Variants in ROBO2 observed in about 807,000 individuals in gnomAD.
ROBO2 encodes roundabout guidance receptor 2, also known as roundabout homolog 2.
In ROBO2, 53 loss-of-function variants were observed where a neutral mutation model predicts 160.8. The ratio of observed to expected loss-of-function variants is 0.33; its 90% CI spans 0.26 to 0.41. The LOEUF (loss-of-function observed/expected upper bound fraction) is 0.41, where lower values mean the gene tolerates loss of function less well. Ranked by LOEUF, ROBO2 falls within the 10% of genes least tolerant of loss-of-function variation. The pLI is 1.00. For missense variants in ROBO2, 1,577 were observed against 1,722.4 expected, an observed-to-expected ratio of 0.92 and a Z score of 1.49; for synonymous variants, 664 against 611.7, an observed-to-expected ratio of 1.09 and a Z score of -1.26.
In ROBO2 at chr3:76,240,326, G is replaced by A. The variant is rs570398964; in HGVS notation, c.109+302724G>A. Among the ~76,000 whole-genome samples the A allele has an allele frequency of 8.0e-5, 12 of 150,786 alleles. No individual in the cohort carries two copies. In the South Asian group the frequency reaches 2.5e-3, roughly 32 times the overall value. On this transcript the variant is annotated intron_variant, in intron 2 of 26. Transcript: ENST00000487694. Reference sequence around the variant, plus strand: ...CCCCAGTGTGTGATGTTCCCTCCCTGTGTCCATGTGTTCTCATTGTTCAAC... The same window carrying A: ...CCCCAGTGTGTGATGTTCCCTCCCTATGTCCATGTGTTCTCATTGTTCAAC...
intron 2 of ROBO2, among the ~76,000 whole-genome samples, chr3:76,259,220 T>G (rs528977386): frequency 5.3e-5 from 8 of 152,236 alleles, no homozygotes; most frequent in Non-Finnish European, 8.8e-5. Context: ...AAGTATGACA[T>G]CAGATCCAAC....
intron 2 of ROBO2, among the ~76,000 whole-genome samples, chr3:76,551,099 T>C (rs1222385735): frequency 6.6e-6 from 1 of 151,918 alleles, no homozygotes; most frequent in Non-Finnish European, 1.5e-5. Context: ...TATGGTGCTT[T>C]TTCCAGTCCC....
chr3:77,215,142 G>A (rs1263474264), intron 2 of ROBO2, among the ~76,000 whole-genome samples: 1 of 152,134 alleles, frequency 6.6e-6, no homozygotes. Context: ...GCTGGGTTGG[G>A]GAAGTTCTCC....
At chr3:77,099,077 T>C (rs1224354151) in intron 2 of ROBO2, among the ~76,000 whole-genome samples, 1 of 132,570 alleles carries the variant, frequency 7.5e-6, no homozygotes. Context: ...CTTTCTTTTT[T>C]TTTTTTTTTT....
intron 2 of ROBO2, among the ~76,000 whole-genome samples, chr3:77,362,360 G>A (rs2070154964): frequency 6.6e-6 from 1 of 152,118 alleles, no homozygotes; most frequent in Non-Finnish European, 1.5e-5. Context: ...CTAAGAGGAA[G>A]CATCTGGAGT....
exon 26 of ROBO2, chr3:77,648,034 T>C (rs1336959178): frequency 6.6e-6 from 1 of 152,196 alleles, no homozygotes; most frequent in Non-Finnish European, 1.5e-5. Context: ...AAAAGAATTC[T>C]GAGACACAGT....
chr3:76,203,769 A>C (rs1298396020), intron 2 of ROBO2, among the ~76,000 whole-genome samples: 1 of 143,232 alleles, frequency 7.0e-6, no homozygotes. Flanking sequence ...TTCTCAGGCT[A>C]GCGGCTTCCC....
At chr3:76,498,004 A>G (rs1447105265) in intron 2 of ROBO2, among the ~76,000 whole-genome samples, 1 of 151,976 alleles carries the variant, frequency 6.6e-6, no homozygotes, top group East Asian at 1.9e-4. Flanking sequence ...ACTCCCTTAC[A>G]CTATATTTTA....
At chr3:76,803,549 G>C (rs28414203) in intron 2 of ROBO2, among the ~76,000 whole-genome samples, 1 of 151,666 alleles carries the variant, frequency 6.6e-6, no homozygotes, top group Non-Finnish European at 1.5e-5. Context: ...AGTAGGAAAA[G>C]AGAAAAGGAG....
intron 2 of ROBO2, among the ~76,000 whole-genome samples, chr3:76,729,476 CTG>C (rs2093601582): frequency 6.6e-6 from 1 of 151,946 alleles, no homozygotes; most frequent in Admixed American, 6.6e-5. Flanking sequence ...ACTTTTATGA[CTG>C]TCATGAGAAT....
At chr3:76,556,555 G>A (rs1486737384) in intron 2 of ROBO2, among the ~76,000 whole-genome samples, 1 of 152,104 alleles carries the variant, frequency 6.6e-6, no homozygotes, top group Non-Finnish European at 1.5e-5. Flanking sequence ...AAAAGAATGG[G>A]TGGTATTTGA....
chr3:76,741,786 CA>C (rs1436584582), intron 2 of ROBO2, among the ~76,000 whole-genome samples: 3 of 151,952 alleles, frequency 2.0e-5, no homozygotes, highest in African/African-American at 7.2e-5. Context: ...TTTCTGAAAA[CA>C]AATTTGCAAT....
At chr3:77,430,072 C>T (rs2078622539) in intron 2 of ROBO2, among the ~76,000 whole-genome samples, 1 of 152,070 alleles carries the variant, frequency 6.6e-6, no homozygotes, top group African/African-American at 2.4e-5. Flanking sequence ...AGCTAGAAAC[C>T]CAAGCCTGGA....
chr3:76,932,180 G>A (rs2077389698), intron 2 of ROBO2, among the ~76,000 whole-genome samples: 1 of 151,888 alleles, frequency 6.6e-6, no homozygotes, highest in Non-Finnish European at 1.5e-5. Context: ...CTTTGAATGA[G>A]TATTCTACTA....
intron 2 of ROBO2, among the ~76,000 whole-genome samples, chr3:77,406,249 C>G (rs1056515494): frequency 6.6e-6 from 1 of 152,142 alleles, no homozygotes; most frequent in Non-Finnish European, 1.5e-5. Context: ...TGGGGGAAAC[C>G]ACCCCCATAA....
chr3:77,574,566 C>A (rs183209020), exon 14 of ROBO2: 2 of 1,613,380 alleles, frequency 1.2e-6, no homozygotes, highest in Non-Finnish European at 1.7e-6. Context: ...GGTCTGCAGG[C>A]GACATCTTCG....
intron 2 of ROBO2, among the ~76,000 whole-genome samples, chr3:76,920,473 C>T (rs1045658710): frequency 7.9e-5 from 12 of 152,232 alleles, no homozygotes; most frequent in African/African-American, 2.9e-4. Context: ...TCACCTTTTC[C>T]TAGTCTGAAT....
At chr3:76,702,067 T>C (rs1309467363) in intron 2 of ROBO2, among the ~76,000 whole-genome samples, 1 of 152,060 alleles carries the variant, frequency 6.6e-6, no homozygotes, top group Non-Finnish European at 1.5e-5. Flanking sequence ...AATAAATGAA[T>C]ATTCTTTCCA....
At chr3:76,390,036 G>C (rs1223583098) in intron 2 of ROBO2, among the ~76,000 whole-genome samples, 1 of 152,082 alleles carries the variant, frequency 6.6e-6, no homozygotes, top group Non-Finnish European at 1.5e-5. Flanking sequence ...ATTGCCATTG[G>C]TCTGGAGCTT....
Sources: gnomAD v4.1 joint callset for allele counts (sites outside exome capture counted in the v4.1 genomes callset) on GRCh38, gnomAD v4.1.1 for gene constraint, MANE v1.5 for transcripts, NCBI Gene and HGNC (gene_info 2026-07-23, HGNC 2026-07-21) for gene names.